PRSS23: variants seen among roughly 807,000 people sequenced by gnomAD.
The protein encoded by PRSS23 is serine protease 23.
A neutral mutation model predicts 34.7 loss-of-function variants in PRSS23; 25 were observed. The ratio of observed to expected loss-of-function variants is 0.72; its 90% CI spans 0.53 to 1.01. The LOEUF (loss-of-function observed/expected upper bound fraction) is 1.01. Ranked by LOEUF, PRSS23 falls within the 50% of genes least tolerant of loss-of-function variation. The probability of loss-of-function intolerance (pLI) is 0.00; values close to 1 mark genes in which losing one functional copy is unlikely to be tolerated. For synonymous variants in PRSS23, 176 were observed against 186.6 expected, an observed-to-expected ratio of 0.94 and a Z score of 0.46; for missense variants, 445 against 475.6, an observed-to-expected ratio of 0.94 and a Z score of 0.60.
intron 2 of PRSS23, among the ~76,000 whole-genome samples, chr11:86,892,017 G>T (rs1948844845): frequency 6.6e-6 from 1 of 152,188 alleles, no homozygotes; most frequent in African/African-American, 2.4e-5. Context: ...TGTGAAAACA[G>T]ACTGATACAA....
At chr11:86,911,596 T>C (rs1387445102) in intron 2 of PRSS23, 1 of 152,230 alleles carries the variant, frequency 6.6e-6, no homozygotes, top group African/African-American at 2.4e-5. Context: ...TTGTGAGTTA[T>C]TTCACTTAGG....
At chr11:86,861,271 G>A (rs1948612524) in intron 2 of PRSS23, among the ~76,000 whole-genome samples, 1 of 151,034 alleles carries the variant, frequency 6.6e-6, no homozygotes, top group Non-Finnish European at 1.5e-5. Flanking sequence ...CGCGGGGGGT[G>A]TCCACCCCCC....
At chr11:86,935,684 C>T (rs1262241729) in intron 2 of PRSS23, 1 of 152,034 alleles carries the variant, frequency 6.6e-6, no homozygotes, top group Non-Finnish European at 1.5e-5. Context: ...ACATTATAAT[C>T]ACTATTTTTT....
At chr11:86,864,940 CTG>C (rs1397978147) in intron 2 of PRSS23, among the ~76,000 whole-genome samples, 2 of 152,336 alleles carry the variant, frequency 1.3e-5, no homozygotes, top group Non-Finnish European at 2.9e-5. Flanking sequence ...TAGAAGGACA[CTG>C]TGATTGCTTT....
Position 86,831,366 on chromosome 11 carries a change from C to G in PRSS23, c.206+7773C>G, listed in dbSNP as rs74512546. Among the ~76,000 whole-genome samples the G allele has an allele frequency of 7.5e-3, 1,133 of 151,726 alleles. 19 individuals carry two copies. Among genetic ancestry groups the G allele is most frequent in the African/African-American group, 0.026 (1,079 of 41,378 alleles). ...CCTAGAAAGTTGTTACTCCTCATGTCACAGGGTGTGTACACCCTGTGATAT... is the reference window on the plus strand; with the variant it reads ...CCTAGAAAGTTGTTACTCCTCATGTGACAGGGTGTGTACACCCTGTGATAT... On this transcript the variant is annotated intron_variant, in intron 2 of 2. Transcript: ENST00000533902.
chr11:86,798,974 C>T (rs1433993877), upstream of PRSS23, among the ~76,000 whole-genome samples: 2 of 152,132 alleles, frequency 1.3e-5, no homozygotes, highest in African/African-American at 2.4e-5. Context: ...CGATTACAGG[C>T]GTGAGCCACT....
rs866294873 is a variant in PRSS23 at position 86,808,248 on chromosome 11, G to T, written c.605G>T (p.Gly202Val). 1.9e-6 allele frequency: 3 copies of T among 1,614,010 alleles called. No individual in the cohort carries two copies. Among genetic ancestry groups the T allele is most frequent in the African/African-American group, 2.7e-5 (2 of 74,934 alleles). The change falls in exon 2 of 2, where the codon GGT becomes GTT. Residue 202 changes from glycine (G) to valine (V), a missense_variant. Gly to Val is a moderately radical substitution (Grantham distance 109). Transcript: ENST00000280258. ...TTCCTAAAGCCCAAGTTTAAAGATG[G>T]TGGTCGAGGGGCCAACGACTCCACT... ...VGFLKPKFKD[G>V]GRGANDSTSA...
chr11:86,944,594 A>G (rs1232777026), intron 2 of PRSS23, among the ~76,000 whole-genome samples: 1 of 152,190 alleles, frequency 6.6e-6, no homozygotes, highest in Admixed American at 6.5e-5. Flanking sequence ...GACCTGCCCT[A>G]CTGACTTCAG....
downstream of PRSS23, among the ~76,000 whole-genome samples, chr11:86,815,735 A>C (rs1489515309): frequency 6.6e-6 from 1 of 152,084 alleles, no homozygotes; most frequent in East Asian, 1.9e-4. Flanking sequence ...TGAGAAAGTG[A>C]GTGTCTGTCT....
In PRSS23 at chr11:86,827,701, T is replaced by C. The variant is rs201022999; in HGVS notation, c.206+4108T>C. On this transcript the variant is annotated intron_variant, in intron 2 of 2. Transcript: ENST00000533902. ...AGATTCTGGTATGTTGTGTCTTTGTTCTCGTTGGTTTCAAAGAACAACTTT... is the reference window on the plus strand; with the variant it reads ...AGATTCTGGTATGTTGTGTCTTTGTCCTCGTTGGTTTCAAAGAACAACTTT... Among the ~76,000 whole-genome samples, 10 of 152,360 alleles carry C rather than the reference T, an allele frequency of 6.6e-5. No individual in the cohort carries two copies. In the East Asian group the frequency reaches 1.7e-3, roughly 26 times the overall value.
intron 2 of PRSS23, among the ~76,000 whole-genome samples, chr11:86,938,726 C>T (rs980587391): frequency 2.4e-4 from 19 of 78,446 alleles, no homozygotes; most frequent in African/African-American, 8.6e-4. Flanking sequence ...GATGGCCTTC[C>T]GAGGGGCTGG....
At position 86,810,251 on chromosome 11, in the gene PRSS23, A is replaced by C. The variant is rs370688854; in HGVS notation, c.*1456A>C. 42 of 166,948 alleles carry C rather than the reference A, an allele frequency of 2.5e-4. No homozygotes were observed. The highest frequency in any genetic ancestry group is 9.4e-4 in the African/African-American group (39 of 41,586). 10.3% of individuals were successfully genotyped at this position (166,948 alleles called of 1,614,324 possible). A position where few individuals can be genotyped will look rare whatever the true frequency, so the allele number is the denominator to read the frequency against. On this transcript the variant is annotated 3_prime_UTR_variant, in exon 2 of 2. Transcript: ENST00000280258. Reference sequence around the variant, plus strand: ...AGAAAAAATCAAATGGACTACAAGCACGTGTTTGCTGTGCTTGCACCCCAG... The same window carrying C: ...AGAAAAAATCAAATGGACTACAAGCCCGTGTTTGCTGTGCTTGCACCCCAG...
intron 2 of PRSS23, among the ~76,000 whole-genome samples, chr11:86,945,091 C>G (rs1261808432): frequency 6.6e-6 from 1 of 152,058 alleles, no homozygotes; most frequent in African/African-American, 2.4e-5. Flanking sequence ...GATGACTTTT[C>G]TGGATATGGG....
At chr11:86,884,960 T>A (rs1948792959) in intron 2 of PRSS23, among the ~76,000 whole-genome samples, 1 of 152,210 alleles carries the variant, frequency 6.6e-6, no homozygotes, top group African/African-American at 2.4e-5. Flanking sequence ...TAGGTGTTTC[T>A]CCTATACTCA....
At chr11:86,796,008 A>G (rs569318112), upstream of PRSS23, among the ~76,000 whole-genome samples, 10 of 152,336 alleles carry the variant, frequency 6.6e-5, no homozygotes, top group South Asian at 2.1e-4. Flanking sequence ...TCCAAGTATC[A>G]TTCAGTCCCA....
At chr11:86,951,769 CA>C (rs1565397165) in exon 3 of PRSS23, 1 of 1,614,082 alleles carries the variant, frequency 6.2e-7, no homozygotes. Context: ...GTCCTGCTGC[CA>C]AAAACCAAGT....
chr11:86,906,647 G>A (rs1366315151), intron 2 of PRSS23, among the ~76,000 whole-genome samples: 2 of 152,308 alleles, frequency 1.3e-5, no homozygotes, highest in Middle Eastern at 3.4e-3. Context: ...CTGAGGTCCA[G>A]GGACAGCACT....
intron 1 of PRSS23, among the ~76,000 whole-genome samples, chr11:86,801,891 A>G (rs1948043276): frequency 6.6e-6 from 1 of 152,242 alleles, no homozygotes; most frequent in African/African-American, 2.4e-5. Context: ...TCCTAGTTAA[A>G]TAAAGTCAAG....
chr11:86,838,244 C>CG (rs1565361773), intron 2 of PRSS23, among the ~76,000 whole-genome samples: 1 of 152,120 alleles, frequency 6.6e-6, no homozygotes, highest in East Asian at 1.9e-4. Flanking sequence ...AAAAGAGAAA[C>CG]GGTACACTCT....
Sources: gnomAD v4.1 joint callset for allele counts (sites outside exome capture counted in the v4.1 genomes callset) on GRCh38, gnomAD v4.1.1 for gene constraint, MANE v1.5 for transcripts, NCBI Gene and HGNC (gene_info 2026-07-23, HGNC 2026-07-21) for gene names.